The following FGF14 variants were observed in gnomAD, a reference collection of about 807,000 sequenced individuals.
FGF14 encodes fibroblast growth factor 14.
FGF14 carries 5 observed loss-of-function variants against 25.5 expected under a neutral mutation model. That is an observed-to-expected ratio of 0.20 (90% CI 0.10 to 0.41). The LOEUF (loss-of-function observed/expected upper bound fraction) is 0.41, where lower values mean the gene tolerates loss of function less well. FGF14 is among the 10% of genes least tolerant of loss of function. The pLI is 1.00. For synonymous variants in FGF14, 138 were observed against 118.3 expected (o/e 1.17, Z -1.08); for missense variants, 222 against 320.1 (o/e 0.69, Z 2.34).
chr13:101,752,685 C>T (rs2037366293), intron 3 of FGF14, among the ~76,000 whole-genome samples: 1 of 152,100 alleles, frequency 6.6e-6, no homozygotes, highest in African/African-American at 2.4e-5. Context: ...AGATCAGTGC[C>T]TCTGAGTTCA....
At chr13:101,877,262 G>GA (rs1291169386) in intron 1 of FGF14, among the ~76,000 whole-genome samples, 15 of 152,126 alleles carry the variant, frequency 9.9e-5, no homozygotes, top group Admixed American at 6.6e-4. Context: ...TTAACTTCGA[G>GA]AAAATACAAC....
intron 1 of FGF14, among the ~76,000 whole-genome samples, chr13:102,209,534 T>A (rs1257562468): frequency 1.3e-5 from 2 of 152,178 alleles, no homozygotes; most frequent in African/African-American, 4.8e-5. Context: ...TACACCAGCA[T>A]GTTAATCTAG....
chr13:102,141,160 T>G (rs1216090369), intron 1 of FGF14, among the ~76,000 whole-genome samples: 3 of 152,228 alleles, frequency 2.0e-5, no homozygotes, highest in Admixed American at 1.3e-4. Flanking sequence ...AGGGGAGGAT[T>G]CTAGTTGGCT....
chr13:101,999,704 G>A (rs1195337971), intron 1 of FGF14, among the ~76,000 whole-genome samples: 3 of 152,166 alleles, frequency 2.0e-5, no homozygotes, highest in African/African-American at 7.2e-5. Flanking sequence ...GGAGCTGAGA[G>A]GTAAACTAAC....
At chr13:102,394,531 C>G (rs1240101257) in intron 1 of FGF14, 1 of 152,320 alleles carries the variant, frequency 6.6e-6, no homozygotes, top group African/African-American at 2.4e-5. Context: ...ACAGCACAAG[C>G]TGCCGGGTCC....
At chr13:101,821,073 CAA>C (rs2042124740) in intron 3 of FGF14, among the ~76,000 whole-genome samples, 1 of 148,636 alleles carries the variant, frequency 6.7e-6, no homozygotes, top group South Asian at 2.3e-4. Context: ...CTCAGCCTCC[CAA>C]GTAGCTGGGA....
intron 1 of FGF14, among the ~76,000 whole-genome samples, chr13:102,086,555 T>C (rs1225476754): frequency 6.6e-6 from 1 of 152,176 alleles, no homozygotes; most frequent in Non-Finnish European, 1.5e-5. Flanking sequence ...CTTCCGACCT[T>C]ATTTTATCAA....
At chr13:102,148,201 A>G (rs1485296134) in intron 1 of FGF14, among the ~76,000 whole-genome samples, 1 of 152,108 alleles carries the variant, frequency 6.6e-6, no homozygotes, top group African/African-American at 2.4e-5. Context: ...TTTAAATTCA[A>G]TGTAACTTGG....
In FGF14 at chr13:101,713,105, T is replaced by C. The variant is rs1483141068; in HGVS notation, c.*9726A>G. 1 of 152,206 alleles carries C rather than the reference T, an allele frequency of 6.6e-6. No individual in the cohort carries two copies. The highest frequency in any genetic ancestry group is 1.9e-4 in the East Asian group (1 of 5,196). 9.4% of individuals were successfully genotyped at this position (152,206 alleles called of 1,614,324 possible). A position where few individuals can be genotyped will look rare whatever the true frequency, so the allele number is the denominator to read the frequency against. On this transcript the variant is annotated 3_prime_UTR_variant, in exon 5 of 5. Coordinates refer to ENST00000376143, the MANE Select transcript of FGF14 (RefSeq NM_004115.4). Reference sequence around the variant, plus strand: ...AATAATTCTGACTGCACTCTTACTTTGAGAAGTGTGTCAAGAAATGGCAAA... The same window carrying C: ...AATAATTCTGACTGCACTCTTACTTCGAGAAGTGTGTCAAGAAATGGCAAA...
upstream of FGF14, among the ~76,000 whole-genome samples, chr13:101,919,998 G>T (rs1435417495): frequency 6.6e-6 from 1 of 152,144 alleles, no homozygotes; most frequent in Admixed American, 6.5e-5. Flanking sequence ...ATCTTGGAGA[G>T]GGGGGCAGCA....
At chr13:101,990,923 A>T (rs2038865148) in intron 1 of FGF14, among the ~76,000 whole-genome samples, 1 of 152,122 alleles carries the variant, frequency 6.6e-6, no homozygotes, top group South Asian at 2.1e-4. Context: ...AATTTAAGTA[A>T]AATCGACAGA....
At chr13:102,067,295 C>CA (rs1414913151) in intron 1 of FGF14, among the ~76,000 whole-genome samples, 12 of 152,112 alleles carry the variant, frequency 7.9e-5, no homozygotes, top group Non-Finnish European at 1.5e-4. Context: ...GCTACAGTGA[C>CA]CACTCAGCTT....
At chr13:101,795,632 G>C (rs1316696487) in intron 3 of FGF14, among the ~76,000 whole-genome samples, 2 of 152,044 alleles carry the variant, frequency 1.3e-5, no homozygotes, top group Non-Finnish European at 2.9e-5. Context: ...AGCAATGGCA[G>C]CCTGGATAGC....
chr13:102,352,242 TACACACACACACACAC>T (rs56774921), intron 1 of FGF14, among the ~76,000 whole-genome samples: 91 of 137,364 alleles, frequency 6.6e-4, no homozygotes, highest in African/African-American at 1.7e-3. Flanking sequence ...TGTACCTTTA[TACACACACACACACAC>T]ACACACACAC....
At chr13:102,254,381 G>A (rs1170747455) in intron 1 of FGF14, among the ~76,000 whole-genome samples, 1 of 152,240 alleles carries the variant, frequency 6.6e-6, no homozygotes, top group Non-Finnish European at 1.5e-5. Context: ...TTGAAAATAC[G>A]TTACAGGTGG....
Position 102,305,871 on chromosome 13 carries a change from A to G in FGF14, c.208+95600T>C, listed in dbSNP as rs1211453781. Among the ~76,000 whole-genome samples the G allele has an allele frequency of 3.9e-5, 6 of 152,332 alleles. No individual in the cohort carries two copies. The East Asian group carries it at 9.6e-4, about 24-fold the overall frequency. ...CTGGTCTTGTTATATCACACATTACAGAGAAGAACTGCTGTAAATCTAAAA... is the reference window on the plus strand; with the variant it reads ...CTGGTCTTGTTATATCACACATTACGGAGAAGAACTGCTGTAAATCTAAAA... On this transcript the variant is annotated intron_variant, in intron 1 of 4. Transcript: ENST00000376131.
chr13:101,749,112 A>T (rs2037094154), intron 3 of FGF14, among the ~76,000 whole-genome samples: 1 of 152,134 alleles, frequency 6.6e-6, no homozygotes, highest in African/African-American at 2.4e-5. Context: ...AAGTAGCTAA[A>T]TTCATAGAAA....
chr13:102,373,192 T>C (rs557352207), intron 1 of FGF14, among the ~76,000 whole-genome samples: 4 of 152,306 alleles, frequency 2.6e-5, no homozygotes, highest in East Asian at 3.9e-4. Context: ...TGTGGTCACA[T>C]GGCGCTTCCT....
At chr13:102,343,385 T>G (rs551229071) in intron 1 of FGF14, among the ~76,000 whole-genome samples, 1 of 152,314 alleles carries the variant, frequency 6.6e-6, no homozygotes, top group East Asian at 1.9e-4. Flanking sequence ...AAGTAGCCAC[T>G]GGCTGAGGAA....
Sources: gnomAD v4.1 joint callset for allele counts (sites outside exome capture counted in the v4.1 genomes callset) on GRCh38, gnomAD v4.1.1 for gene constraint, MANE v1.5 for transcripts, NCBI Gene and HGNC (gene_info 2026-07-23, HGNC 2026-07-21) for gene names.